Variants in GALNTL6 observed in about 807,000 individuals in gnomAD.
GALNTL6 encodes polypeptide N-acetylgalactosaminyltransferase like 6, also known as polypeptide N-acetylgalactosaminyltransferase-like 6.
Under a neutral mutation model 73.7 loss-of-function variants are expected in GALNTL6, and 46 were observed. The ratio of observed to expected loss-of-function variants is 0.62; its 90% CI spans 0.49 to 0.80. GALNTL6 has a LOEUF of 0.80. Ranked by LOEUF, GALNTL6 falls within the 30% of genes least tolerant of loss-of-function variation. GALNTL6 has a pLI of 0.00. For missense variants in GALNTL6, 604 were observed against 755.0 expected, an observed-to-expected ratio of 0.80 and a Z score of 2.34; for synonymous variants, 259 against 263.7, an observed-to-expected ratio of 0.98 and a Z score of 0.17.
intron 5 of GALNTL6, among the ~76,000 whole-genome samples, chr4:172,397,862 C>A (rs1012417571): frequency 2.0e-5 from 3 of 152,162 alleles, no homozygotes; most frequent in Admixed American, 1.3e-4. Context: ...CAGGCATCAG[C>A]AACTGTGCCT....
intron 5 of GALNTL6, among the ~76,000 whole-genome samples, chr4:172,705,261 T>A (rs1320408151): frequency 6.6e-6 from 1 of 151,672 alleles, no homozygotes; most frequent in African/African-American, 2.4e-5. Flanking sequence ...CATTCTTCTT[T>A]TCTTACTGCC....
intron 2 of GALNTL6, among the ~76,000 whole-genome samples, chr4:171,902,832 T>C (rs1737139038): frequency 6.6e-6 from 1 of 152,198 alleles, no homozygotes. Flanking sequence ...ATGGAAAGGA[T>C]ACTTAACATA....
intron 2 of GALNTL6, among the ~76,000 whole-genome samples, chr4:171,916,214 T>C (rs181960347): frequency 3.5e-4 from 53 of 152,214 alleles, no homozygotes; most frequent in African/African-American, 1.1e-3. Flanking sequence ...TATAAACTAA[T>C]TACTTAGTTT....
chr4:172,209,435 T>A (rs1736253091), intron 2 of GALNTL6, among the ~76,000 whole-genome samples: 2 of 103,200 alleles, frequency 1.9e-5, no homozygotes, highest in African/African-American at 3.3e-5. Context: ...GGACCCAGGG[T>A]CTCTGGTCAA....
chr4:172,812,561 G>A (rs185211028), intron 6 of GALNTL6, among the ~76,000 whole-genome samples: 1 of 151,410 alleles, frequency 6.6e-6, no homozygotes, highest in East Asian at 1.9e-4. Flanking sequence ...AGCTGTTAAT[G>A]TCATCACAAT....
In GALNTL6 at chr4:171,931,821, T is replaced by G. The variant is rs76679525; in HGVS notation, c.138+117103T>G. Among the ~76,000 whole-genome samples the G allele has an allele frequency of 4.7e-3, 721 of 152,288 alleles. 13 individuals carry two copies. Among genetic ancestry groups the G allele is most frequent in the African/African-American group, 0.017 (687 of 41,560 alleles). ...TTCACTCCATTATAAGAATAATTAT[T>G]AAGAATGAGCTGAAAAAACACACAG... is the stretch of plus-strand genomic sequence containing the variant. On this transcript the variant is annotated intron_variant, in intron 2 of 12. Transcript: ENST00000506823.
chr4:172,622,735 A>C (rs1039251560), intron 5 of GALNTL6, among the ~76,000 whole-genome samples: 6 of 152,156 alleles, frequency 3.9e-5, no homozygotes, highest in Non-Finnish European at 8.8e-5. Flanking sequence ...GCATGAAAAG[A>C]TGTGTCCAGA....
At chr4:172,442,928 A>C (rs1263073708) in intron 5 of GALNTL6, among the ~76,000 whole-genome samples, 1 of 151,858 alleles carries the variant, frequency 6.6e-6, no homozygotes, top group East Asian at 1.9e-4. Flanking sequence ...CAAGCTACTG[A>C]GTTTTCTAAT....
chr4:171,999,284 T>C (rs553160026), intron 2 of GALNTL6, among the ~76,000 whole-genome samples: 1 of 152,266 alleles, frequency 6.6e-6, no homozygotes, highest in Non-Finnish European at 1.5e-5. Context: ...CCTCTACAAT[T>C]GCCTATGAAA....
chr4:171,846,503 A>G (rs902659382), intron 2 of GALNTL6, among the ~76,000 whole-genome samples: 4 of 152,134 alleles, frequency 2.6e-5, no homozygotes, highest in African/African-American at 7.2e-5. Flanking sequence ...TTGAATTTCA[A>G]TTGTAGCATC....
At position 172,820,754 on chromosome 4, in the gene GALNTL6, T is replaced by A. The variant is rs142987798; in HGVS notation, c.923+7031T>A. Among the ~76,000 whole-genome samples, 238 of 152,340 alleles carry A rather than the reference T, an allele frequency of 1.6e-3. 4 individuals carry two copies. The highest frequency in any genetic ancestry group is 4.6e-4 in the Non-Finnish European group (31 of 68,044). ...TCTCACAAATTTTGCATGATCTCCA[T>A]GCAATTGCTACAAATCTTCCTCCTT... On this transcript the variant is annotated intron_variant, in intron 7 of 12. Coordinates refer to ENST00000506823, the MANE Select transcript of GALNTL6 (RefSeq NM_001034845.3).
intron 2 of GALNTL6, among the ~76,000 whole-genome samples, chr4:172,205,226 A>G (rs1736069044): frequency 1.3e-5 from 2 of 152,238 alleles, no homozygotes; most frequent in African/African-American, 4.8e-5. Context: ...AAATGGATAA[A>G]TAGATACCAC....
At chr4:172,514,656 A>T (rs1734538524) in intron 5 of GALNTL6, among the ~76,000 whole-genome samples, 1 of 152,104 alleles carries the variant, frequency 6.6e-6, no homozygotes, top group African/African-American at 2.4e-5. Context: ...TTCAGCTGAA[A>T]GTTTCCTTCT....
intron 5 of GALNTL6, among the ~76,000 whole-genome samples, chr4:172,693,955 C>A (rs1437228354): frequency 6.6e-6 from 1 of 152,076 alleles, no homozygotes; most frequent in Non-Finnish European, 1.5e-5. Context: ...GCAGAGATGC[C>A]TCATATGAAT....
At chr4:172,919,480 G>T (rs1747688312) in intron 8 of GALNTL6, among the ~76,000 whole-genome samples, 1 of 152,124 alleles carries the variant, frequency 6.6e-6, no homozygotes, top group South Asian at 2.1e-4. Context: ...AATTCACCTG[G>T]CCTGAGTCAT....
chr4:172,639,964 T>A (rs72704897), intron 5 of GALNTL6, among the ~76,000 whole-genome samples: 25,153 of 152,026 alleles, frequency 0.17, 2,826 homozygotes, highest in Middle Eastern at 0.33. Flanking sequence ...CTGTCTTTTT[T>A]AAAAAAAATC....
At chr4:172,616,472 T>A (rs1340498271) in intron 5 of GALNTL6, among the ~76,000 whole-genome samples, 2 of 151,394 alleles carry the variant, frequency 1.3e-5, no homozygotes, top group African/African-American at 2.4e-5. Context: ...ATAATTTTTT[T>A]AAAATCAAAT....
At chr4:172,381,682 A>T (rs1439331636) in intron 5 of GALNTL6, among the ~76,000 whole-genome samples, 1 of 152,162 alleles carries the variant, frequency 6.6e-6, no homozygotes, top group Non-Finnish European at 1.5e-5. Flanking sequence ...TCATCAGTTG[A>T]TGGACATTTA....
intron 2 of GALNTL6, among the ~76,000 whole-genome samples, chr4:172,190,734 A>G (rs1735552846): frequency 6.6e-6 from 1 of 152,184 alleles, no homozygotes; most frequent in Non-Finnish European, 1.5e-5. Context: ...AGCCATGTTT[A>G]TTTAGTTTTA....
Sources: allele counts gnomAD v4.1 joint callset (sites outside exome capture counted in the v4.1 genomes callset), GRCh38; gene constraint gnomAD v4.1.1; transcripts MANE v1.5; gene names NCBI Gene and HGNC (gene_info 2026-07-23, HGNC 2026-07-21).